GALNTL6: variants seen among roughly 807,000 people sequenced by gnomAD.
GALNTL6 encodes the protein polypeptide N-acetylgalactosaminyltransferase like 6.
GALNTL6 carries 46 observed loss-of-function variants against 73.7 expected under a neutral mutation model. That is an observed-to-expected ratio of 0.62 (90% CI 0.49 to 0.80). GALNTL6 has a LOEUF of 0.80. Ranked by LOEUF, GALNTL6 falls within the 30% of genes least tolerant of loss-of-function variation. The pLI is 0.00. For missense variants in GALNTL6, 604 were observed against 755.0 expected (o/e 0.80, Z 2.34); for synonymous variants, 259 against 263.7 (o/e 0.98, Z 0.17).
At chr4:173,009,502 C>A (rs1173534650) in intron 11 of GALNTL6, among the ~76,000 whole-genome samples, 1 of 152,212 alleles carries the variant, frequency 6.6e-6, no homozygotes, top group African/African-American at 2.4e-5. Context: ...TTGTGATGAT[C>A]AGTTCAGATA....
At chr4:172,905,897 C>G (rs1746865694) in intron 8 of GALNTL6, among the ~76,000 whole-genome samples, 1 of 150,578 alleles carries the variant, frequency 6.6e-6, no homozygotes, top group African/African-American at 2.4e-5. Flanking sequence ...GGAATCTTAC[C>G]CCCAACCACG....
chr4:172,969,673 G>A (rs1236538645), intron 10 of GALNTL6, among the ~76,000 whole-genome samples: 4 of 152,200 alleles, frequency 2.6e-5, no homozygotes, highest in African/African-American at 9.6e-5. Flanking sequence ...ACAAGCCAAA[G>A]ATTTTATATC....
intron 2 of GALNTL6, among the ~76,000 whole-genome samples, chr4:172,188,580 A>C (rs1003880751): frequency 3.3e-5 from 5 of 152,228 alleles, no homozygotes; most frequent in Non-Finnish European, 7.3e-5. Context: ...AACATAAATA[A>C]ATATAAAATG....
At chr4:172,972,967 AG>A (rs1674107534) in intron 10 of GALNTL6, among the ~76,000 whole-genome samples, 2 of 152,320 alleles carry the variant, frequency 1.3e-5, no homozygotes, top group South Asian at 4.1e-4. Flanking sequence ...CTAGAAATTG[AG>A]ATTTAAAGGG....
chr4:172,049,626 T>A (rs1730770267), intron 2 of GALNTL6, among the ~76,000 whole-genome samples: 1 of 152,148 alleles, frequency 6.6e-6, no homozygotes, highest in Non-Finnish European at 1.5e-5. Flanking sequence ...CAAGACCACG[T>A]TTATTCTCAA....
At chr4:172,920,055 A>G (rs772358791) in intron 8 of GALNTL6, among the ~76,000 whole-genome samples, 1 of 152,202 alleles carries the variant, frequency 6.6e-6, no homozygotes, top group African/African-American at 2.4e-5. Context: ...TGCAAGATTG[A>G]CCACATTTTT....
At chr4:171,936,079 C>T (rs1477751376) in intron 2 of GALNTL6, among the ~76,000 whole-genome samples, 2 of 152,068 alleles carry the variant, frequency 1.3e-5, no homozygotes, top group Non-Finnish European at 2.9e-5. Context: ...TTATGGTCTC[C>T]AGGTTGAAAT....
intron 5 of GALNTL6, among the ~76,000 whole-genome samples, chr4:172,717,374 G>A (rs918260062): frequency 4.6e-5 from 7 of 152,164 alleles, no homozygotes; most frequent in African/African-American, 1.7e-4. Flanking sequence ...TATTAAACGG[G>A]ACCAAAAGCT....
intron 7 of GALNTL6, among the ~76,000 whole-genome samples, chr4:172,824,710 T>G (rs531344720): frequency 2.4e-4 from 37 of 152,228 alleles, no homozygotes; most frequent in African/African-American, 8.7e-4. Context: ...TAGGTGAGAT[T>G]GGCTTCAGGT....
chr4:172,737,960 A>C (rs1416961359), intron 5 of GALNTL6, among the ~76,000 whole-genome samples: 1 of 152,174 alleles, frequency 6.6e-6, no homozygotes, highest in African/African-American at 2.4e-5. Context: ...CCTGGGGAAC[A>C]TACCTCCTAT....
chr4:172,672,550 C>T (rs1732047778), intron 5 of GALNTL6, among the ~76,000 whole-genome samples: 1 of 152,180 alleles, frequency 6.6e-6, no homozygotes, highest in Admixed American at 6.5e-5. Context: ...AAGAGGCGTT[C>T]CTCCTCCTCA....
At chr4:173,038,550 G>C (rs998544588) in intron 12 of GALNTL6, among the ~76,000 whole-genome samples, 4 of 152,198 alleles carry the variant, frequency 2.6e-5, no homozygotes, top group African/African-American at 9.7e-5. Flanking sequence ...AGCCCTCTTT[G>C]TGTAAGGAAA....
At chr4:172,056,077 C>G (rs976305996) in intron 2 of GALNTL6, among the ~76,000 whole-genome samples, 1 of 152,046 alleles carries the variant, frequency 6.6e-6, no homozygotes, top group Admixed American at 6.6e-5. Flanking sequence ...GTGAAGATAC[C>G]TATAAACAAA....
rs1371075316 is a variant in GALNTL6 at position 172,809,531 on chromosome 4, C to T, written c.724C>T (p.Leu242=). The change falls in exon 6 of 13, where the codon CTG becomes TTG. Residue 242 remains leucine, a synonymous_variant. Coordinates refer to ENST00000506823, the MANE Select transcript of GALNTL6 (RefSeq NM_001034845.3). This position sits in a 1 kb window ranked among gnomAD's most constrained non-coding sequence, Gnocchi z 4.4. ...DSHCEVNVNW[L]PPLLNQIALN... Reference sequence around the variant, plus strand: ...CCACTGCGAGGTCAATGTGAACTGGCTGCCCCCACTCCTCAGTGAGTACAG... The same window carrying T: ...CCACTGCGAGGTCAATGTGAACTGGTTGCCCCCACTCCTCAGTGAGTACAG... The T allele has an allele frequency of 4.3e-6, 7 of 1,612,290 alleles. No homozygotes were observed. Among genetic ancestry groups the T allele is most frequent in the Non-Finnish European group, 5.9e-6 (7 of 1,179,184 alleles).
chr4:172,283,181 A>T (rs1244448836), intron 3 of GALNTL6, among the ~76,000 whole-genome samples: 2 of 152,212 alleles, frequency 1.3e-5, no homozygotes, highest in Non-Finnish European at 2.9e-5. Flanking sequence ...TAAACACATG[A>T]GTGAGACAAA....
rs1736863293 is a variant in GALNTL6 at position 171,894,783 on chromosome 4, G to A, written c.138+80065G>A. 2.0e-5 allele frequency among the ~76,000 whole-genome samples: 3 copies of A among 152,178 alleles called. No homozygotes were observed. In the South Asian group the frequency reaches 6.2e-4, roughly 32 times the overall value. ...GAAGGGGCCTATTGTCACACCATGA[G>A]CTGAAAGAGTTCCAAGGGACTTGTG... On this transcript the variant is annotated intron_variant, in intron 2 of 12. Transcript: ENST00000506823.
chr4:171,819,279 C>T (rs746687375), intron 2 of GALNTL6, among the ~76,000 whole-genome samples: 9 of 152,212 alleles, frequency 5.9e-5, no homozygotes, highest in South Asian at 2.1e-4. Flanking sequence ...TGGCACCACA[C>T]GGAACACTGT....
chr4:172,192,518 A>G (rs906301596), intron 2 of GALNTL6, among the ~76,000 whole-genome samples: 4 of 152,034 alleles, frequency 2.6e-5, no homozygotes, highest in African/African-American at 9.7e-5. Context: ...AGTCGGAGTG[A>G]CCCACAGAGA....
In GALNTL6 at chr4:172,211,158, C is replaced by T. The variant is rs1204696902; in HGVS notation, c.139-18498C>T. On this transcript the variant is annotated intron_variant, in intron 2 of 12. Transcript: ENST00000506823. The stretch of plus-strand genomic sequence containing the variant: ...TGCATTCTAACATTATAAGATGCTC[C>T]GGTTTCATCTTGCACATTTCCAGTT... 7.2e-5 allele frequency among the ~76,000 whole-genome samples: 11 copies of T among 152,142 alleles called. No individual in the cohort carries two copies. In the South Asian group the frequency reaches 1.5e-3, roughly 20 times the overall value.
Sources: gnomAD v4.1 joint callset for allele counts (sites outside exome capture counted in the v4.1 genomes callset) on GRCh38, gnomAD v4.1.1 for gene constraint, Gnocchi (gnomAD v3.1) non-coding constraint, MANE v1.5 for transcripts, NCBI Gene and HGNC (gene_info 2026-07-23, HGNC 2026-07-21) for gene names.